GNB5: variants seen among roughly 807,000 people sequenced by gnomAD.
The protein encoded by GNB5 is G protein subunit beta 5, also known as guanine nucleotide-binding protein subunit beta-5.
GNB5 carries 37 observed loss-of-function variants against 55.3 expected under a neutral mutation model. The observed-to-expected ratio is 0.67, with a 90% CI of 0.51 to 0.88. The LOEUF is 0.88. Among genes scored for constraint, GNB5 ranks in the 40% least tolerant of loss-of-function variants. The pLI is 0.00. For missense variants in GNB5, 476 were observed against 515.3 expected (o/e 0.92, Z 0.74); for synonymous variants, 219 against 198.5 (o/e 1.10, Z -0.87).
At chr15:52,190,778 T>TAAAAAAAAA (rs58614125) in intron 1 of GNB5, among the ~76,000 whole-genome samples, 8 of 96,908 alleles carry the variant, frequency 8.3e-5, no homozygotes, top group African/African-American at 3.1e-4. Flanking sequence ...CTTATTTCCT[T>TAAAAAAAAA]AAAAAAAAAA....
At chr15:52,134,444 A>G (rs1437840527) in intron 8 of GNB5, among the ~76,000 whole-genome samples, 1 of 152,220 alleles carries the variant, frequency 6.6e-6, no homozygotes, top group Non-Finnish European at 1.5e-5. Flanking sequence ...AAATGTGGGC[A>G]AAGAAACCAG....
chr15:52,149,961 A>G (rs750390198), intron 4 of GNB5, 36 bp from the exon 5 acceptor site: 4 of 1,507,460 alleles, frequency 2.7e-6, no homozygotes, highest in Non-Finnish European at 3.7e-6. Flanking sequence ...AGGGGTTGTC[A>G]AGTTCTTACA....
At chr15:52,163,936 G>A (rs1318291288) in intron 3 of GNB5, among the ~76,000 whole-genome samples, 1 of 152,118 alleles carries the variant, frequency 6.6e-6, no homozygotes, top group Non-Finnish European at 1.5e-5. Flanking sequence ...GGTGCAGGAG[G>A]GACCCAGGCA....
Position 52,135,722 on chromosome 15 carries a change from A to T in GNB5, c.662T>A (p.Leu221Gln), listed in dbSNP as rs1207808575. The T allele has an allele frequency of 2.5e-6, 4 of 1,612,892 alleles. No individual in the cohort carries two copies. The highest frequency in any genetic ancestry group is 2.5e-6 in the Non-Finnish European group (3 of 1,179,818). ...CAGCTGCCCGCTCTCCACGTCCCAC[A>T]GGGCACATGTGCCATCGCCGCTCGC... is the stretch of plus-strand genomic sequence containing the variant. ...LTASGDGTCA[L>Q]WDVESGQLLQ... is the part of the protein sequence containing the mutation. The change falls in exon 8 of 13, where the codon CTG becomes CAG. Residue 221 changes from leucine to glutamine, a missense_variant. By Grantham distance (113) the Leu-to-Gln change is moderately radical. Coordinates refer to ENST00000261837, the MANE Select transcript of GNB5 (RefSeq NM_016194.4).
At chr15:52,185,580 A>G (rs2034832624) in intron 1 of GNB5, among the ~76,000 whole-genome samples, 1 of 152,108 alleles carries the variant, frequency 6.6e-6, no homozygotes, top group African/African-American at 2.4e-5. Context: ...AGAAAGCATA[A>G]GAGGAGCCTA....
At chr15:52,125,804 A>C (rs2033408520) in intron 11 of GNB5, 144 bp downstream of exon 11, 2 of 605,114 alleles carry the variant, frequency 3.3e-6, no homozygotes, top group African/African-American at 1.9e-5. Flanking sequence ...TCAGAGGAGG[A>C]AAACTGGTGC....
chr15:52,187,004 T>C (rs1441205862), intron 1 of GNB5, among the ~76,000 whole-genome samples: 1 of 152,132 alleles, frequency 6.6e-6, no homozygotes, highest in Non-Finnish European at 1.5e-5. Flanking sequence ...GACATCTGTG[T>C]TACAGCTGAG....
intron 11 of GNB5, chr15:52,125,255 T>G (rs993115282): frequency 6.6e-6 from 1 of 152,562 alleles, no homozygotes; most frequent in East Asian, 1.9e-4. Context: ...AAAGGAGCCA[T>G]GAGCTTCAAG....
chr15:52,139,218 G>A (rs891601661), intron 7 of GNB5, among the ~76,000 whole-genome samples: 2 of 152,190 alleles, frequency 1.3e-5, no homozygotes, highest in Non-Finnish European at 2.9e-5. Flanking sequence ...AAGGCAAGTG[G>A]ATTGCTTGAG....
intron 9 of GNB5, among the ~76,000 whole-genome samples, chr15:52,129,614 G>T (rs1490246397): frequency 6.6e-6 from 1 of 152,124 alleles, no homozygotes; most frequent in Non-Finnish European, 1.5e-5. Context: ...GGGCCACATG[G>T]GCTATGATTT....
At chr15:52,128,400 C>T (rs2033482832) in intron 9 of GNB5, 156 bp from the exon 10 acceptor site, 1 of 635,164 alleles carries the variant, frequency 1.6e-6, no homozygotes, top group African/African-American at 1.8e-5. Context: ...GTCAGGCCCA[C>T]TGATCTCTAG....
chr15:52,151,889 C>G (rs1025014251), intron 4 of GNB5, among the ~76,000 whole-genome samples: 1 of 151,736 alleles, frequency 6.6e-6, no homozygotes, highest in African/African-American at 2.4e-5. Context: ...GAGGATCACT[C>G]GAGCCCAGGA....
chr15:52,150,087 G>C (rs2034059573), intron 4 of GNB5, among the ~76,000 whole-genome samples, 162 bp from the exon 5 acceptor site: 1 of 152,162 alleles, frequency 6.6e-6, no homozygotes, highest in African/African-American at 2.4e-5. Context: ...AAAAAAAGTG[G>C]GGTGAGTGCA....
At chr15:52,133,984 C>G (rs1232244167) in intron 8 of GNB5, among the ~76,000 whole-genome samples, 1 of 152,206 alleles carries the variant, frequency 6.6e-6, no homozygotes, top group Non-Finnish European at 1.5e-5. Context: ...GCCAGGTGCC[C>G]CGGGCCATCT....
At chr15:52,180,068 C>T (rs759716199) in intron 2 of GNB5, 189 bp from the exon 3 acceptor site, 2 of 603,576 alleles carry the variant, frequency 3.3e-6, no homozygotes, top group Non-Finnish European at 4.7e-6. Context: ...GGCGCGCGCT[C>T]TGGCGCAGTG....
chr15:52,164,810 C>T (rs192127224), intron 3 of GNB5, among the ~76,000 whole-genome samples: 5 of 152,048 alleles, frequency 3.3e-5, no homozygotes, highest in Admixed American at 1.3e-4. Flanking sequence ...CTCTTCTCCA[C>T]GTGATCACAG....
intron 7 of GNB5, among the ~76,000 whole-genome samples, chr15:52,136,172 A>C (rs8033325): frequency 0.025 from 2,504 of 99,964 alleles, 94 homozygotes; most frequent in African/African-American, 0.087. Flanking sequence ...ACACACACAC[A>C]CCCTACCTGC....
chr15:52,132,673 ATGTTGCCTAGCCT>A (rs1195491154), intron 9 of GNB5, among the ~76,000 whole-genome samples: 14 of 143,764 alleles, frequency 9.7e-5, no homozygotes, highest in Admixed American at 2.8e-4. Flanking sequence ...GGGTTGAGCC[ATGTTGCCTAGCCT>A]TGTCTCGAAC....
At position 52,154,016 on chromosome 15, in the gene GNB5, G is replaced by T. The variant is rs1274388914; in HGVS notation, c.299C>A (p.Thr100Asn). 1 of 1,614,004 alleles carries T rather than the reference G, an allele frequency of 6.2e-7. No homozygotes were observed. Among genetic ancestry groups the T allele is most frequent in the Non-Finnish European group, 8.5e-7 (1 of 1,179,870 alleles). Reference sequence around the variant, plus strand: ...GACTTTGTTCCCGTGGCCTTTGAGGGTCCTTCTGGTCTTCATGACAAACTG... The same window carrying T: ...GACTTTGTTCCCGTGGCCTTTGAGGTTCCTTCTGGTCTTCATGACAAACTG... ...LGQFVMKTRR[T>N]LKGHGNKVLC... The change falls in exon 4 of 13, where the codon ACC (threonine) becomes AAC (asparagine). Residue 100 changes from threonine (T) to asparagine (N), a missense_variant. Coordinates refer to ENST00000261837, the MANE Select transcript of GNB5 (RefSeq NM_016194.4).
Sources: allele counts gnomAD v4.1 joint callset (sites outside exome capture counted in the v4.1 genomes callset), GRCh38; gene constraint gnomAD v4.1.1; transcripts MANE v1.5; gene names NCBI Gene and HGNC (gene_info 2026-07-23, HGNC 2026-07-21).